Variants in CAMSAP1 observed in about 807,000 individuals in gnomAD.
CAMSAP1 encodes the protein calmodulin regulated spectrin associated protein 1, also known as calmodulin-regulated spectrin-associated protein 1.
Under a neutral mutation model 143.5 loss-of-function variants are expected in CAMSAP1, and 58 were observed. The observed-to-expected ratio is 0.40, with a 90% CI of 0.33 to 0.50. The LOEUF is 0.50. Among genes scored for constraint, CAMSAP1 ranks in the 20% least tolerant of loss-of-function variants. The pLI is 0.45. For missense variants in CAMSAP1, 1,969 were observed against 2,115.7 expected, an observed-to-expected ratio of 0.93 and a Z score of 1.36; for synonymous variants, 945 against 859.3, an observed-to-expected ratio of 1.10 and a Z score of -1.74.
At chr9:135,894,629 G>A (rs961964937) in intron 1 of CAMSAP1, among the ~76,000 whole-genome samples, 1 of 152,172 alleles carries the variant, frequency 6.6e-6, no homozygotes, top group Non-Finnish European at 1.5e-5. Flanking sequence ...AGGCTAGGAA[G>A]GTCAGACTAT....
intron 5 of CAMSAP1, among the ~76,000 whole-genome samples, chr9:135,861,758 G>A (rs75868756): frequency 0.014 from 2,074 of 152,286 alleles, 52 homozygotes; most frequent in African/African-American, 0.048. Flanking sequence ...TAGTTTGGGG[G>A]GCACCTCTTG....
At position 135,822,942 on chromosome 9, in the gene CAMSAP1, G is replaced by A. The variant is rs1835534787; in HGVS notation, c.1719C>T (p.Ala573=). Residue 573 remains alanine (A), a synonymous_variant, in exon 11 of 17, where the codon GCC becomes GCT. Transcript: ENST00000389532. This position sits in a 1 kb window ranked among gnomAD's most constrained non-coding sequence, Gnocchi z 6.1. ...SPRALGLTAN[A]RSPQGQLDTS... ...TGTCCAGCTGTCCTTGGGGAGACCG[G>A]GCATTTGCTGTAAGGCCTAAGGCCC... 1.2e-6 allele frequency: 2 copies of A among 1,613,840 alleles called. No individual in the cohort carries two copies. The highest frequency in any genetic ancestry group is 1.1e-5 in the South Asian group (1 of 91,086).
chr9:135,865,421 C>A (rs1314981369), intron 4 of CAMSAP1: 4 of 1,523,480 alleles, frequency 2.6e-6, no homozygotes, highest in African/African-American at 1.4e-5. Flanking sequence ...AGCAGGTCCA[C>A]GTGTGGACGA....
At chr9:135,886,496 G>C (rs1306300939) in intron 1 of CAMSAP1, among the ~76,000 whole-genome samples, 1 of 152,214 alleles carries the variant, frequency 6.6e-6, no homozygotes, top group Non-Finnish European at 1.5e-5. Flanking sequence ...ATTTCAGCAA[G>C]TGACAGCAGT....
intron 3 of CAMSAP1, among the ~76,000 whole-genome samples, chr9:135,872,912 CCCT>C (rs1837616904): frequency 6.6e-6 from 1 of 152,192 alleles, no homozygotes; most frequent in African/African-American, 2.4e-5. Context: ...GGACCTTCCA[CCCT>C]CCTCTCAGAT....
chr9:135,888,765 G>A (rs1297735988), intron 1 of CAMSAP1, among the ~76,000 whole-genome samples: 1 of 152,242 alleles, frequency 6.6e-6, no homozygotes, highest in Non-Finnish European at 1.5e-5. Flanking sequence ...GCGACCAGTA[G>A]TCCACGCCCC....
At chr9:135,903,851 G>T (rs1417282010) in intron 1 of CAMSAP1, among the ~76,000 whole-genome samples, 1 of 151,946 alleles carries the variant, frequency 6.6e-6, no homozygotes, top group Non-Finnish European at 1.5e-5. Flanking sequence ...AATGCTGCTG[G>T]ATTAGAAGAA....
At chr9:135,895,242 G>C (rs897459755) in intron 1 of CAMSAP1, among the ~76,000 whole-genome samples, 2 of 152,190 alleles carry the variant, frequency 1.3e-5, no homozygotes. Flanking sequence ...TTAAGAAACT[G>C]AGTGAACTCC....
At position 135,820,451 on chromosome 9, in the gene CAMSAP1, C is replaced by T. The variant is rs530723197; in HGVS notation, c.3822+388G>A. Among the ~76,000 whole-genome samples, 1 of 152,214 alleles carries T rather than the reference C, an allele frequency of 6.6e-6. No individual in the cohort carries two copies. The highest frequency in any genetic ancestry group is 2.1e-4 in the South Asian group (1 of 4,822). ...AGGTTGGCAAACTTCAGCCCACAGG[C>T]CAGGCCTGGCCACCTCCAGAGCATT... On this transcript the variant is annotated intron_variant, in intron 11 of 16. Coordinates refer to ENST00000389532, the MANE Select transcript of CAMSAP1 (RefSeq NM_015447.4). This position sits in a 1 kb window ranked among gnomAD's most constrained non-coding sequence, Gnocchi z 4.4.
In CAMSAP1 at chr9:135,828,790, T is replaced by C. The variant is rs913525390; in HGVS notation, c.1046-1206A>G. 5.9e-5 allele frequency among the ~76,000 whole-genome samples: 9 copies of C among 152,266 alleles called. No individual in the cohort carries two copies. The South Asian group carries it at 1.9e-3, about 32-fold the overall frequency. ...CAAATTGTCAAAGACAAAAAGAATT[T>C]TGAAAGCAGCAAGAGAAAAGTGATT... On this transcript the variant is annotated intron_variant, in intron 7 of 16. Transcript: ENST00000389532.
chr9:135,818,017 C>T lies in CAMSAP1; in HGVS notation c.4231G>A (p.Glu1411Lys). The change falls in exon 14 of 17, where the codon GAA becomes AAA. Residue 1411 changes from glutamate (E) to lysine (K), a missense_variant. This residue lies in a region of CAMSAP1 where 1,390 missense variants were observed against 1,420.8 expected (regional missense o/e 0.98). Coordinates refer to ENST00000389532, the MANE Select transcript of CAMSAP1 (RefSeq NM_015447.4). This position sits in a 1 kb window ranked among gnomAD's most constrained non-coding sequence, Gnocchi z 7.7. ...CCCCCGGAATGAACGCTCTCGGGTT[C>T]TGTCGTCGCCGCAGAGGCCAAGGAC... ...SLSLASAATT[E>K]PESVHSGGTP... 6.2e-7 allele frequency: 1 copy of T among 1,613,970 alleles called. No individual in the cohort carries two copies. The highest frequency in any genetic ancestry group is 8.5e-7 in the Non-Finnish European group (1 of 1,179,886).
intron 4 of CAMSAP1, among the ~76,000 whole-genome samples, chr9:135,864,738 C>T (rs1413012716): frequency 6.6e-6 from 1 of 152,194 alleles, no homozygotes; most frequent in Non-Finnish European, 1.5e-5. Flanking sequence ...AGCCTGTGGC[C>T]AGGCTGACCT....
At chr9:135,844,594 G>A (rs1012233136) in intron 7 of CAMSAP1, among the ~76,000 whole-genome samples, 1 of 151,956 alleles carries the variant, frequency 6.6e-6, no homozygotes, top group African/African-American at 2.4e-5. Context: ...CTGGTTTTTT[G>A]AAACGATTAA....
intron 14 of CAMSAP1, among the ~76,000 whole-genome samples, chr9:135,816,832 C>T (rs1334341432): frequency 6.6e-6 from 1 of 152,182 alleles, no homozygotes; most frequent in African/African-American, 2.4e-5. Context: ...GTGGAGGAAG[C>T]GGTGAGCAGG....
intron 1 of CAMSAP1, among the ~76,000 whole-genome samples, chr9:135,902,442 AAG>A (rs1838645068): frequency 6.6e-6 from 1 of 152,222 alleles, no homozygotes; most frequent in Non-Finnish European, 1.5e-5. Flanking sequence ...AATTTAAATA[AAG>A]AGTCTCAATT....
chr9:135,819,253 G>C, intron 11 of CAMSAP1, 107 bp from the exon 12 acceptor site: 1 of 1,356,176 alleles, frequency 7.4e-7, no homozygotes, highest in Non-Finnish European at 9.8e-7. Flanking sequence ...AAAGTTTAAC[G>C]CATAAAGACT....
chr9:135,812,125 C>T (rs1204770727), intron 16 of CAMSAP1, among the ~76,000 whole-genome samples: 2 of 152,218 alleles, frequency 1.3e-5, no homozygotes, highest in African/African-American at 2.4e-5. Context: ...TGAAAACACG[C>T]ATCCATACAA....
chr9:135,857,285 TTTTCCCTTA>T (rs1457977749), intron 5 of CAMSAP1, among the ~76,000 whole-genome samples: 3 of 152,232 alleles, frequency 2.0e-5, no homozygotes, highest in African/African-American at 7.2e-5. Context: ...TTTCCATCTT[TTTTCCCTTA>T]TTTCCCATCT....
In CAMSAP1 at chr9:135,817,446, C is replaced by T. The variant is rs532549230; in HGVS notation, c.4271+531G>A. ...TCACTCTGTTGCCCAGGCTGGAGTG[C>T]AGTAGCCTGAGCACAGCTCACTGCA... On this transcript the variant is annotated intron_variant, in intron 14 of 16. Transcript: ENST00000389532. 4.6e-5 allele frequency among the ~76,000 whole-genome samples: 7 copies of T among 151,954 alleles called. No homozygotes were observed. The South Asian group carries it at 1.3e-3, about 27-fold the overall frequency.
Sources: allele counts gnomAD v4.1 joint callset (sites outside exome capture counted in the v4.1 genomes callset), GRCh38; gene constraint gnomAD v4.1.1; regional missense constraint gnomAD v4.1.1; non-coding constraint Gnocchi (gnomAD v3.1); transcripts MANE v1.5; gene names NCBI Gene and HGNC (gene_info 2026-07-23, HGNC 2026-07-21).